IQCH: variants seen among roughly 807,000 people sequenced by gnomAD.
The protein encoded by IQCH is IQ motif containing H, also known as IQ domain-containing protein H.
A neutral mutation model predicts 117.0 loss-of-function variants in IQCH; 98 were observed. That is an observed-to-expected ratio of 0.84 (90% CI 0.71 to 0.99). The LOEUF is 0.99. Among genes scored for constraint, IQCH ranks in the 50% least tolerant of loss-of-function variants. The probability of loss-of-function intolerance (pLI) is 0.00; values close to 1 mark genes in which losing one functional copy is unlikely to be tolerated. For missense variants in IQCH, 1,102 were observed against 1,243.8 expected (o/e 0.89, Z 1.72); for synonymous variants, 412 against 448.2 (o/e 0.92, Z 1.02).
intron 16 of IQCH, among the ~76,000 whole-genome samples, chr15:67,455,097 T>TGG (rs1185351314): frequency 2.0e-5 from 3 of 152,174 alleles, no homozygotes; most frequent in Non-Finnish European, 4.4e-5. Context: ...ACCATCCTTG[T>TGG]GGGTGTGAAG....
chr15:67,331,406 T>C (rs934038613), intron 4 of IQCH, among the ~76,000 whole-genome samples: 51 of 152,030 alleles, frequency 3.4e-4, no homozygotes, highest in Non-Finnish European at 8.8e-5. Context: ...CTTGCAGATA[T>C]AAGGAAACAA....
In IQCH at chr15:67,393,744, G is replaced by A. The variant is rs1294732958; in HGVS notation, c.1633-1547G>A. Reference sequence around the variant, plus strand: ...TGCCCAGGCTGGTCTGAAAGTCCTGGGCTCAAGTGATCTGCCTGCCATGGC... The same window carrying A: ...TGCCCAGGCTGGTCTGAAAGTCCTGAGCTCAAGTGATCTGCCTGCCATGGC... On this transcript the variant is annotated intron_variant, in intron 12 of 20. Transcript: ENST00000335894. This position sits in a 1 kb window ranked among gnomAD's most constrained non-coding sequence, Gnocchi z 5.5. 6.6e-6 allele frequency among the ~76,000 whole-genome samples: 1 copy of A among 151,862 alleles called. No individual in the cohort carries two copies. The highest frequency in any genetic ancestry group is 2.4e-5 in the African/African-American group (1 of 41,326).
chr15:67,344,224 G>C (rs1183397802), intron 6 of IQCH, 33 bp downstream of exon 6: 3 of 1,603,046 alleles, frequency 1.9e-6, no homozygotes, highest in Non-Finnish European at 2.6e-6. Context: ...TTCAGTTGGG[G>C]ACACACAGAA....
Position 67,283,248 on chromosome 15 carries a change from A to G in IQCH, c.387+3736A>G, listed in dbSNP as rs568620907. Among the ~76,000 whole-genome samples the G allele has an allele frequency of 3.0e-3, 450 of 152,300 alleles. 3 individuals are homozygous for G. The highest frequency in any genetic ancestry group is 0.01 in the African/African-American group (431 of 41,566). On this transcript the variant is annotated intron_variant, in intron 4 of 20. Coordinates refer to ENST00000335894, the MANE Select transcript of IQCH (RefSeq NM_001031715.3). ...CCAAACTACCCAATCCCATGAGGCA[A>G]CCAGTGTTAACAGCGGGTTGTATTT...
Position 67,474,063 on chromosome 15 carries a change from T to G in IQCH, c.2677-1633T>G, listed in dbSNP as rs542074026. Among the ~76,000 whole-genome samples, 1 of 136,400 alleles carries G rather than the reference T, an allele frequency of 7.3e-6. No homozygotes were observed. The highest frequency in any genetic ancestry group is 7.6e-5 in the Admixed American group (1 of 13,160). The allele number at this position is 136,400 out of a possible 152,430, so 89.5% of individuals were successfully genotyped here. A position where few individuals can be genotyped will look rare whatever the true frequency, so the allele number is the denominator to read the frequency against. ...GCATGTCACCAAAAGTGCCACGAAATCTGAGTGTGTGTGTGTGTGTGTGTG... is the reference window on the plus strand; with the variant it reads ...GCATGTCACCAAAAGTGCCACGAAAGCTGAGTGTGTGTGTGTGTGTGTGTG... On this transcript the variant is annotated intron_variant, in intron 17 of 20. Coordinates refer to ENST00000335894, the MANE Select transcript of IQCH (RefSeq NM_001031715.3). This position sits in a 1 kb window ranked among gnomAD's most constrained non-coding sequence, Gnocchi z 4.1.
At position 67,381,688 on chromosome 15, in the gene IQCH, T is replaced by A. The variant is rs543791932; in HGVS notation, c.1373-3248T>A. 9.0e-4 allele frequency among the ~76,000 whole-genome samples: 137 copies of A among 152,160 alleles called. No homozygotes were observed. The highest frequency in any genetic ancestry group is 1.7e-3 in the Non-Finnish European group (114 of 67,976). Reference sequence around the variant, plus strand: ...AACACACAGGAGAAAGGGCTAAGAATTTAAAAGACAGGCCGGACATGGTGG... The same window carrying A: ...AACACACAGGAGAAAGGGCTAAGAAATTAAAAGACAGGCCGGACATGGTGG... On this transcript the variant is annotated intron_variant, in intron 10 of 20. Transcript: ENST00000335894. This position sits in a 1 kb window ranked among gnomAD's most constrained non-coding sequence, Gnocchi z 5.1.
chr15:67,414,074 G>C (rs2081515290), intron 14 of IQCH, among the ~76,000 whole-genome samples: 1 of 152,212 alleles, frequency 6.6e-6, no homozygotes, highest in African/African-American at 2.4e-5. Context: ...CCCTTCAGAG[G>C]CAGGGAATCC....
intron 4 of IQCH, among the ~76,000 whole-genome samples, chr15:67,311,897 C>T (rs576542159): frequency 5.3e-5 from 8 of 152,186 alleles, no homozygotes; most frequent in Admixed American, 5.2e-4. Flanking sequence ...TAAGGGATTT[C>T]AAGCATGAGT....
intron 3 of IQCH, among the ~76,000 whole-genome samples, chr15:67,278,583 A>G (rs1966224009): frequency 6.6e-6 from 1 of 152,368 alleles, no homozygotes; most frequent in African/African-American, 2.4e-5. Context: ...TCTGATAGAT[A>G]TAAGAAGAGT....
chr15:67,327,748 C>CT (rs1227002316), intron 4 of IQCH, among the ~76,000 whole-genome samples: 1 of 152,162 alleles, frequency 6.6e-6, no homozygotes, highest in Admixed American at 6.5e-5. Flanking sequence ...TTTTAAAAAT[C>CT]TTTAACAGTT....
At chr15:67,397,982 G>T (rs1441177987) in intron 13 of IQCH, among the ~76,000 whole-genome samples, 2 of 152,084 alleles carry the variant, frequency 1.3e-5, no homozygotes, top group African/African-American at 2.4e-5. Context: ...TTAAAGCACT[G>T]TTCAATTTTC....
Position 67,386,707 on chromosome 15 carries a change from G to A in IQCH, c.1456+1688G>A, listed in dbSNP as rs996525031. Among the ~76,000 whole-genome samples the A allele has an allele frequency of 6.6e-6, 1 of 152,080 alleles. No individual in the cohort carries two copies. Among genetic ancestry groups the A allele is most frequent in the African/African-American group, 2.4e-5 (1 of 41,412 alleles). ...TCTCAGGTGCAGACCCCAATGGCTA[G>A]TATTTTCAGTTCCTAGATGAGTTCA... is the stretch of plus-strand genomic sequence containing the variant. On this transcript the variant is annotated intron_variant, in intron 11 of 20. Transcript: ENST00000335894. The surrounding 1 kb of genome is among the most constrained non-coding windows in gnomAD (Gnocchi z 5.0).
Position 67,409,860 on chromosome 15 carries a change from G to A in IQCH, c.2098-7071G>A, listed in dbSNP as rs749374072. Among the ~76,000 whole-genome samples the A allele has an allele frequency of 2.6e-5, 4 of 152,278 alleles. No homozygotes were observed. The East Asian group carries it at 5.8e-4, about 22-fold the overall frequency. On this transcript the variant is annotated intron_variant, in intron 14 of 20. Coordinates refer to ENST00000335894, the MANE Select transcript of IQCH (RefSeq NM_001031715.3). ...CAGCAGCATAATTTTCCATCTCATC[G>A]AAGGCAAAGTTGGCATTTTTGATTT...
chr15:67,258,347 C>G (rs7171378), intron 1 of IQCH, among the ~76,000 whole-genome samples: 1 of 151,900 alleles, frequency 6.6e-6, no homozygotes, highest in African/African-American at 2.4e-5. Flanking sequence ...CCTGGACAAC[C>G]TGGTGAAACC....
rs2083287040 is a variant in IQCH, at chr15:67,479,279, T to C, written c.2799+3461T>C. 6.6e-6 allele frequency among the ~76,000 whole-genome samples: 1 copy of C among 152,222 alleles called. No individual in the cohort carries two copies. Among genetic ancestry groups the C allele is most frequent in the South Asian group, 2.1e-4 (1 of 4,824 alleles). ...CCATATTACAGTGAGGACTTTAGGC[T>C]TAAAGATTTTAAGCATTTTCCCAGG... On this transcript the variant is annotated intron_variant, in intron 18 of 20. Transcript: ENST00000335894. The surrounding 1 kb of genome is among the most constrained non-coding windows in gnomAD (Gnocchi z 4.6).
chr15:67,469,241 T>G (rs1210028548), intron 17 of IQCH, among the ~76,000 whole-genome samples: 1 of 152,158 alleles, frequency 6.6e-6, no homozygotes, highest in African/African-American at 2.4e-5. Flanking sequence ...TTAGGGATCA[T>G]GAGTTCTGAT....
In IQCH at chr15:67,456,556, G is replaced by GT. The variant is rs1443698933; in HGVS notation, c.2506-8570dup. 1.3e-5 allele frequency among the ~76,000 whole-genome samples: 2 copies of GT among 152,022 alleles called. No individual in the cohort carries two copies. Among genetic ancestry groups the GT allele is most frequent in the Non-Finnish European group, 2.9e-5 (2 of 68,024 alleles). On this transcript the variant is annotated intron_variant, in intron 16 of 20. Transcript: ENST00000335894. The surrounding 1 kb of genome is among the most constrained non-coding windows in gnomAD (Gnocchi z 5.1). ...AGTTTTAGAGATTCCATCCTACATCGTATCAAATGTATTAAAAATCCATTT... is the reference window on the plus strand; with the variant it reads ...AGTTTTAGAGATTCCATCCTACATCGTTATCAAATGTATTAAAAATCCATTT...
At chr15:67,489,237 G>T (rs923890717) in intron 18 of IQCH, among the ~76,000 whole-genome samples, 31 of 151,974 alleles carry the variant, frequency 2.0e-4, no homozygotes, top group African/African-American at 7.5e-4. Flanking sequence ...GTTTCACTGT[G>T]TTAGCCAGGA....
At position 67,454,072 on chromosome 15, in the gene IQCH, G is replaced by T. The variant is rs777016845; in HGVS notation, c.2506-11055G>T. Among the ~76,000 whole-genome samples, 1 of 152,188 alleles carries T rather than the reference G, an allele frequency of 6.6e-6. No individual in the cohort carries two copies. The highest frequency in any genetic ancestry group is 1.5e-5 in the Non-Finnish European group (1 of 68,020). On this transcript the variant is annotated intron_variant, in intron 16 of 20. Transcript: ENST00000335894. This position sits in a 1 kb window ranked among gnomAD's most constrained non-coding sequence, Gnocchi z 5.2. ...TCCTGGTGTGCTGTTTTTTAAGCCC[G>T]TTGGAAAAGCGCAGTATTAGGGTGG...
Sources: gnomAD v4.1 joint callset for allele counts (sites outside exome capture counted in the v4.1 genomes callset) on GRCh38, gnomAD v4.1.1 for gene constraint, Gnocchi (gnomAD v3.1) non-coding constraint, MANE v1.5 for transcripts, NCBI Gene and HGNC (gene_info 2026-07-23, HGNC 2026-07-21) for gene names.